Variants in PSME3IP1 observed in about 807,000 individuals in gnomAD.
The protein encoded by PSME3IP1 is PSME3-interacting protein.
A neutral mutation model predicts 34.1 loss-of-function variants in PSME3IP1; 13 were observed. The observed-to-expected ratio is 0.38, with a 90% CI of 0.25 to 0.61. The LOEUF (loss-of-function observed/expected upper bound fraction) is 0.61, where lower values mean the gene tolerates loss of function less well. Among genes scored for constraint, PSME3IP1 ranks in the 20% least tolerant of loss-of-function variants. The pLI, the probability that PSME3IP1 is intolerant of heterozygous loss-of-function variation, is 0.60. For missense variants in PSME3IP1, 237 were observed against 301.4 expected (o/e 0.79, Z 1.58); for synonymous variants, 93 against 114.3 (o/e 0.81, Z 1.19).
At chr16:57,159,595 G>C (rs1403964054) in intron 6 of PSME3IP1, among the ~76,000 whole-genome samples, 1 of 152,154 alleles carries the variant, frequency 6.6e-6, no homozygotes, top group East Asian at 1.9e-4. Context: ...CAGGGCTGAA[G>C]CAAGCTTCAG....
At chr16:57,168,054 G>A (rs1394786163) in intron 4 of PSME3IP1, among the ~76,000 whole-genome samples, 2 of 152,110 alleles carry the variant, frequency 1.3e-5, no homozygotes, top group Admixed American at 6.6e-5. Context: ...CCCTCCACCA[G>A]CCCTCCCTCC....
Position 57,185,852 on chromosome 16 carries a change from C to T in PSME3IP1, c.-47G>A. 2 of 985,178 alleles carry T rather than the reference C, an allele frequency of 2.0e-6. No homozygotes were observed. The highest frequency in any genetic ancestry group is 1.7e-5 in the African/African-American group (1 of 57,252). 61.0% of individuals were successfully genotyped at this position (985,178 alleles called of 1,614,324 possible). The stretch of plus-strand genomic sequence containing the variant: ...GCGCGCGGGAGGCGAGACGACCTCA[C>T]CTCGGCGGCGCCCACCCCAAACCGC... On this transcript the variant is annotated 5_prime_UTR_variant, in exon 1 of 7. The change creates a new upstream start codon in the 5' untranslated region. Coordinates refer to ENST00000309137, the MANE Select transcript of PSME3IP1 (RefSeq NM_024946.4).
intron 4 of PSME3IP1, among the ~76,000 whole-genome samples, chr16:57,168,803 CAAAAAAAA>C (rs1189721344): frequency 1.3e-4 from 3 of 23,902 alleles, no homozygotes; most frequent in South Asian, 3.8e-3. Context: ...AACTCTGTCT[CAAAAAAAA>C]AAAAAAAAAA....
chr16:57,173,603 T>C lies in PSME3IP1; in HGVS notation c.127+125A>G, dbSNP rs1008467168. ...AAGATCGCGCCACTGCACTCCAGCC[T>C]GGGCAACAGAGTGAGACTCCGTCTC... On this transcript the variant is annotated intron_variant, in intron 2 of 6. Coordinates refer to ENST00000309137, the MANE Select transcript of PSME3IP1 (RefSeq NM_024946.4). The C allele has an allele frequency of 1.4e-5, 17 of 1,184,412 alleles. No homozygotes were observed. The African/African-American group carries it at 2.5e-4, about 17-fold the overall frequency. The allele number at this position is 1,184,412 out of a possible 1,614,324, so 73.4% of individuals were successfully genotyped here. A position where few individuals can be genotyped will look rare whatever the true frequency, so the allele number is the denominator to read the frequency against.
chr16:57,163,072 G>A (rs1336356600), intron 6 of PSME3IP1, among the ~76,000 whole-genome samples: 1 of 152,186 alleles, frequency 6.6e-6, no homozygotes, highest in Non-Finnish European at 1.5e-5. Context: ...GGGTGAGGCA[G>A]GAGAATTACT....
intron 4 of PSME3IP1, among the ~76,000 whole-genome samples, chr16:57,170,067 TC>T (rs1284971168): frequency 2.7e-5 from 4 of 150,300 alleles, no homozygotes; most frequent in Non-Finnish European, 3.0e-5. Context: ...GTCCATGTCT[TC>T]TCCCATACAA....
At chr16:57,162,306 A>G (rs555140715) in intron 6 of PSME3IP1, among the ~76,000 whole-genome samples, 3 of 152,360 alleles carry the variant, frequency 2.0e-5, no homozygotes, top group South Asian at 4.1e-4. Flanking sequence ...GAAATGATAT[A>G]ATGTCTGGAA....
At chr16:57,170,393 A>C (rs889389405) in intron 4 of PSME3IP1, among the ~76,000 whole-genome samples, 2 of 152,008 alleles carry the variant, frequency 1.3e-5, no homozygotes, top group Non-Finnish European at 1.5e-5. Flanking sequence ...CTCCCACGTA[A>C]CTCTTAAAAT....
At chr16:57,181,177 T>C (rs2073674018) in intron 1 of PSME3IP1, among the ~76,000 whole-genome samples, 1 of 152,244 alleles carries the variant, frequency 6.6e-6, no homozygotes, top group Admixed American at 6.5e-5. Context: ...CTAATTTAAA[T>C]ATCGGTTCCC....
At chr16:57,170,244 G>A (rs544864021) in intron 4 of PSME3IP1, among the ~76,000 whole-genome samples, 4 of 152,002 alleles carry the variant, frequency 2.6e-5, no homozygotes, top group South Asian at 4.2e-4. Context: ...CACCATGCCC[G>A]GCTAATTTTT....
intron 1 of PSME3IP1, among the ~76,000 whole-genome samples, chr16:57,183,330 G>T (rs1455639953): frequency 1.3e-5 from 2 of 151,938 alleles, no homozygotes; most frequent in African/African-American, 4.8e-5. Flanking sequence ...CTGGAAATTT[G>T]TCAAAAATAA....
At chr16:57,166,839 T>C (rs1469025060) in intron 5 of PSME3IP1, among the ~76,000 whole-genome samples, 2 of 152,240 alleles carry the variant, frequency 1.3e-5, no homozygotes, top group African/African-American at 4.8e-5. Context: ...CAGGAAGCAC[T>C]TAACACAATG....
At chr16:57,169,465 T>C (rs2072303593) in intron 4 of PSME3IP1, among the ~76,000 whole-genome samples, 1 of 152,248 alleles carries the variant, frequency 6.6e-6, no homozygotes, top group Non-Finnish European at 1.5e-5. Context: ...ACTTGCATGC[T>C]TGGGATTAGT....
At chr16:57,185,645 A>G in intron 1 of PSME3IP1, 176 bp downstream of exon 1, 2 of 985,524 alleles carry the variant, frequency 2.0e-6, no homozygotes, top group Non-Finnish European at 2.4e-6. Context: ...GGGCACCCTC[A>G]GCTCCCCTCA....
At chr16:57,165,181 G>A (rs771597459) in intron 5 of PSME3IP1, among the ~76,000 whole-genome samples, 1 of 150,542 alleles carries the variant, frequency 6.6e-6, no homozygotes, top group African/African-American at 2.5e-5. Context: ...ATCATCATAA[G>A]GTGTTAAAAC....
chr16:57,156,873 T>A (rs972849046), intron 6 of PSME3IP1, among the ~76,000 whole-genome samples: 1 of 152,236 alleles, frequency 6.6e-6, no homozygotes, highest in African/African-American at 2.4e-5. Flanking sequence ...CAGAGAAATT[T>A]GGCAAAGTTC....
chr16:57,163,808 T>C (rs1357156296), intron 6 of PSME3IP1, among the ~76,000 whole-genome samples, 193 bp downstream of exon 6: 2 of 152,230 alleles, frequency 1.3e-5, no homozygotes, highest in Non-Finnish European at 2.9e-5. Flanking sequence ...TTTGCAGGTA[T>C]AAAATCCTGC....
intron 6 of PSME3IP1, 89 bp downstream of exon 6, chr16:57,163,912 C>G (rs2071556511): frequency 1.6e-6 from 2 of 1,266,090 alleles, no homozygotes; most frequent in South Asian, 2.5e-5. Context: ...GACAGAAATG[C>G]ATTCATTTGC....
At chr16:57,174,519 C>T in intron 1 of PSME3IP1, 1 of 985,352 alleles carries the variant, frequency 1.0e-6, no homozygotes, top group East Asian at 1.1e-4. Flanking sequence ...CCTGAGCATC[C>T]CATCCTTTTC....
Sources: allele counts gnomAD v4.1 joint callset (sites outside exome capture counted in the v4.1 genomes callset), GRCh38; gene constraint gnomAD v4.1.1; transcripts MANE v1.5; gene names NCBI Gene and HGNC (gene_info 2026-07-23, HGNC 2026-07-21).